Variants in KLF7 observed in about 807,000 individuals in gnomAD.
KLF7 encodes KLF transcription factor 7.
KLF7 carries 2 observed loss-of-function variants against 27.3 expected under a neutral mutation model. The observed-to-expected ratio is 0.07, with a 90% CI of 0.03 to 0.23. KLF7 has a LOEUF of 0.23. Among genes scored for constraint, KLF7 ranks in the 10% least tolerant of loss-of-function variants. The pLI, the probability that KLF7 is intolerant of heterozygous loss-of-function variation, is 1.00. For synonymous variants in KLF7, 165 were observed against 162.4 expected, an observed-to-expected ratio of 1.02 and a Z score of -0.12; for missense variants, 221 against 394.1, an observed-to-expected ratio of 0.56 and a Z score of 3.72.
Position 207,165,847 on chromosome 2 carries a change from T to A in KLF7, c.-279A>T, listed in dbSNP as rs932629614. The A allele has an allele frequency of 3.9e-6, 5 of 1,290,308 alleles. No individual in the cohort carries two copies. Among genetic ancestry groups the A allele is most frequent in the Non-Finnish European group, 4.9e-6 (5 of 1,013,622 alleles). 79.9% of individuals were successfully genotyped at this position (1,290,308 alleles called of 1,614,324 possible). ...GGAAAAGGGGACTTCTCCACGGGAG[T>A]AACAATTCCCTTCCAGGGCTCTAAT... On this transcript the variant is annotated 5_prime_UTR_variant, in exon 1 of 4. Coordinates refer to ENST00000309446, the MANE Select transcript of KLF7 (RefSeq NM_003709.4).
chr2:207,159,314 C>A (rs2078475628), intron 1 of KLF7, among the ~76,000 whole-genome samples: 1 of 152,160 alleles, frequency 6.6e-6, no homozygotes, highest in Non-Finnish European at 1.5e-5. Flanking sequence ...TGGCTGAAAG[C>A]TTTTTCACAA....
At chr2:207,139,267 C>A (rs149566224) in intron 1 of KLF7, among the ~76,000 whole-genome samples, 1 of 152,234 alleles carries the variant, frequency 6.6e-6, no homozygotes, top group East Asian at 1.9e-4. Context: ...ACAGAGAATT[C>A]TTTTGGGAAA....
rs2076174516 is a variant in KLF7, at chr2:207,076,212, A to T, written c.*5001T>A. ...TGGGGTCCATCTTATGGCAGTAGAC[A>T]GAAGCTGGACTCACAGCAAGTTACG... On this transcript the variant is annotated 3_prime_UTR_variant, in exon 4 of 4. Transcript: ENST00000309446. 1 of 152,202 alleles carries T rather than the reference A, an allele frequency of 6.6e-6. No individual in the cohort carries two copies. The highest frequency in any genetic ancestry group is 1.5e-5 in the Non-Finnish European group (1 of 68,040). The allele number at this position is 152,202 out of a possible 1,614,324, so 9.4% of individuals were successfully genotyped here.
upstream of KLF7, among the ~76,000 whole-genome samples, chr2:207,171,357 T>C (rs987149516): frequency 1.3e-5 from 2 of 152,190 alleles, no homozygotes; most frequent in African/African-American, 2.4e-5. Flanking sequence ...GCTATGAACA[T>C]TGTTGAAATA....
chr2:207,136,090 G>A (rs528597920), intron 1 of KLF7, among the ~76,000 whole-genome samples: 2 of 152,206 alleles, frequency 1.3e-5, no homozygotes, highest in Admixed American at 1.3e-4. Flanking sequence ...CTCTGGCCTG[G>A]GAATCAGGTT....
At position 207,080,902 on chromosome 2, in the gene KLF7, C is replaced by T. The variant is rs2076253728; in HGVS notation, c.*311G>A. 3 of 420,718 alleles carry T rather than the reference C, an allele frequency of 7.1e-6. No homozygotes were observed. Among genetic ancestry groups the T allele is most frequent in the African/African-American group, 6.1e-5 (3 of 49,176 alleles). 26.1% of individuals were successfully genotyped at this position (420,718 alleles called of 1,614,324 possible). On this transcript the variant is annotated 3_prime_UTR_variant, in exon 4 of 4. Coordinates refer to ENST00000309446, the MANE Select transcript of KLF7 (RefSeq NM_003709.4). The stretch of plus-strand genomic sequence containing the variant: ...ACAGCGGGAAATAATTCCAATAGTG[C>T]TGAAGTAAGCAGCCAGTCTGCCTTG...
intron 2 of KLF7, among the ~76,000 whole-genome samples, chr2:207,115,131 T>C (rs2105954221): frequency 6.6e-6 from 1 of 150,816 alleles, no homozygotes; most frequent in South Asian, 2.1e-4. Context: ...GGGTCTTACA[T>C]GAATGCAGAT....
rs756121319 is a variant in KLF7, at chr2:207,124,323, G to A, written c.184C>T (p.Leu62Phe). 1 of 1,612,512 alleles carries A rather than the reference G, an allele frequency of 6.2e-7. No individual in the cohort carries two copies. Among genetic ancestry groups the A allele is most frequent in the South Asian group, 1.1e-5 (1 of 90,980 alleles). The stretch of plus-strand genomic sequence containing the variant: ...ATGCACGGGGGAGGGGAAGCGTGGA[G>A]GAAACAGTCCAAGTCCTCACCAAAG... ...ETFGEDLDCF[L>F]HASPPPCIEE... Residue 62 changes from leucine (L) to phenylalanine (F), a missense_variant, in exon 2 of 4, where the codon CTC becomes TTC. Around this residue, in one of 3 missense-constraint regions of KLF7, gnomAD observed 180 missense variants for 227.9 expected, o/e 0.79. Coordinates refer to ENST00000309446, the MANE Select transcript of KLF7 (RefSeq NM_003709.4).
upstream of KLF7, chr2:207,166,204 AG>A: frequency 4.1e-6 from 4 of 985,134 alleles, no homozygotes; most frequent in Non-Finnish European, 3.6e-6. Flanking sequence ...TAAGGTAAAC[AG>A]GGGGCTCATG....
At chr2:207,108,248 A>G (rs2076933407) in intron 2 of KLF7, among the ~76,000 whole-genome samples, 1 of 152,250 alleles carries the variant, frequency 6.6e-6, no homozygotes, top group Non-Finnish European at 1.5e-5. Flanking sequence ...AGGGGGGAGA[A>G]AGATACACAG....
intron 2 of KLF7, among the ~76,000 whole-genome samples, chr2:207,094,350 TTTTA>T (rs575344000): frequency 3.9e-5 from 6 of 152,356 alleles, no homozygotes; most frequent in African/African-American, 9.6e-5. Flanking sequence ...ACCTGTTTCC[TTTTA>T]TTTATTTATT....
intron 2 of KLF7, among the ~76,000 whole-genome samples, chr2:207,111,451 AC>A (rs1419497520): frequency 6.6e-6 from 1 of 152,216 alleles, no homozygotes; most frequent in Non-Finnish European, 1.5e-5. Flanking sequence ...CGCAAAGGGT[AC>A]TTTTTCTAAT....
chr2:207,124,469 G>A (rs2077426671), intron 1 of KLF7, 65 bp from the exon 2 acceptor site: 6 of 1,451,652 alleles, frequency 4.1e-6, no homozygotes, highest in Non-Finnish European at 5.6e-6. Flanking sequence ...GAGGCCACAC[G>A]TTGACAGGCA....
At chr2:207,109,227 C>T (rs1489977808) in intron 2 of KLF7, among the ~76,000 whole-genome samples, 1 of 152,164 alleles carries the variant, frequency 6.6e-6, no homozygotes, top group Non-Finnish European at 1.5e-5. Context: ...TTCTTAAGTT[C>T]AACCAAAATA....
chr2:207,170,687 C>T (rs1223012348), upstream of KLF7, among the ~76,000 whole-genome samples: 1 of 152,122 alleles, frequency 6.6e-6, no homozygotes, highest in African/African-American at 2.4e-5. Context: ...TCTACTCTAC[C>T]TGTGTTCTAT....
intron 2 of KLF7, among the ~76,000 whole-genome samples, chr2:207,123,010 C>A (rs2077381137): frequency 6.7e-6 from 1 of 150,344 alleles, no homozygotes; most frequent in Non-Finnish European, 1.5e-5. Flanking sequence ...TCTGTGTAAA[C>A]CCCACTTTTC....
At chr2:207,103,065 T>A (rs1000845634) in intron 2 of KLF7, among the ~76,000 whole-genome samples, 1 of 152,120 alleles carries the variant, frequency 6.6e-6, no homozygotes, top group African/African-American at 2.4e-5. Context: ...GTAGCTGGGA[T>A]TACAGGTGCC....
intron 2 of KLF7, among the ~76,000 whole-genome samples, chr2:207,099,571 T>TATATATATATATATATATATATATAA: frequency 7.4e-6 from 1 of 135,494 alleles, no homozygotes; most frequent in Non-Finnish European, 1.6e-5. Context: ...TATATATATA[T>TATATATATATATATATATATATATAA]ATGAAAAGAG....
intron 2 of KLF7, among the ~76,000 whole-genome samples, chr2:207,112,371 A>G (rs980995995): frequency 3.9e-5 from 6 of 152,060 alleles, no homozygotes; most frequent in Non-Finnish European, 8.8e-5. Context: ...CCTTCTGCCT[A>G]TGCTAAGGGT....
Sources: allele counts gnomAD v4.1 joint callset (sites outside exome capture counted in the v4.1 genomes callset), GRCh38; gene constraint gnomAD v4.1.1; regional missense constraint gnomAD v4.1.1; transcripts MANE v1.5; gene names NCBI Gene and HGNC (gene_info 2026-07-23, HGNC 2026-07-21).